CNTNAP2: variants seen among roughly 807,000 people sequenced by gnomAD.
CNTNAP2 encodes contactin associated protein 2.
CNTNAP2 carries 98 observed loss-of-function variants against 155.2 expected under a neutral mutation model. The ratio of observed to expected loss-of-function variants is 0.63; its 90% confidence interval spans 0.54 to 0.75. CNTNAP2 has a LOEUF of 0.75. Among genes scored for constraint, CNTNAP2 ranks in the 30% least tolerant of loss-of-function variants. CNTNAP2 has a pLI of 0.00. For synonymous variants in CNTNAP2, 651 were observed against 631.2 expected (o/e 1.03, Z -0.47); for missense variants, 1,727 against 1,688.1 (o/e 1.02, Z -0.40).
At chr7:146,906,224 G>T (rs1796122307) in intron 3 of CNTNAP2, among the ~76,000 whole-genome samples, 1 of 152,068 alleles carries the variant, frequency 6.6e-6, no homozygotes, top group Non-Finnish European at 1.5e-5. Context: ...GAGGCTGGGG[G>T]AGGGGCGCCC....
intron 13 of CNTNAP2, among the ~76,000 whole-genome samples, chr7:147,790,538 C>G (rs948725734): frequency 6.6e-6 from 1 of 152,240 alleles, no homozygotes; most frequent in African/African-American, 2.4e-5. Context: ...CTACGCTACT[C>G]TATCCCCAAA....
chr7:148,138,678 A>AT (rs1273521547), intron 16 of CNTNAP2, among the ~76,000 whole-genome samples: 1 of 152,068 alleles, frequency 6.6e-6, no homozygotes, highest in Non-Finnish European at 1.5e-5. Context: ...GTTTCCCTTT[A>AT]TTACAACACT....
intron 1 of CNTNAP2, among the ~76,000 whole-genome samples, chr7:146,598,777 C>G (rs1563150821): frequency 1.3e-5 from 2 of 151,780 alleles, no homozygotes; most frequent in Admixed American, 6.6e-5. Context: ...CATCATGGCT[C>G]TAAATATTAT....
intron 3 of CNTNAP2, among the ~76,000 whole-genome samples, chr7:146,885,873 A>G (rs1204506238): frequency 6.6e-6 from 1 of 151,668 alleles, no homozygotes; most frequent in Non-Finnish European, 1.5e-5. Flanking sequence ...TATTTTGCAC[A>G]GGATAGAACT....
At chr7:148,312,967 G>T (rs957532636) in intron 21 of CNTNAP2, among the ~76,000 whole-genome samples, 1 of 151,870 alleles carries the variant, frequency 6.6e-6, no homozygotes, top group Non-Finnish European at 1.5e-5. Context: ...GCAATGAGGT[G>T]TGGCTGTAGC....
At chr7:147,854,287 T>C (rs1385136171) in intron 13 of CNTNAP2, among the ~76,000 whole-genome samples, 1 of 152,170 alleles carries the variant, frequency 6.6e-6, no homozygotes, top group African/African-American at 2.4e-5. Context: ...AAATGATTAC[T>C]AGCTTCTTGA....
chr7:147,027,927 G>A (rs530841619), intron 3 of CNTNAP2, among the ~76,000 whole-genome samples: 2 of 152,270 alleles, frequency 1.3e-5, no homozygotes, highest in African/African-American at 2.4e-5. Context: ...TGATAAAAAG[G>A]CATTTTGTTA....
intron 13 of CNTNAP2, among the ~76,000 whole-genome samples, chr7:147,802,300 CCAGGCAGAGGG>C (rs1798012004): frequency 1.3e-5 from 2 of 148,916 alleles, no homozygotes; most frequent in African/African-American, 2.5e-5. Flanking sequence ...GACTGGGCAG[CCAGGCAGAGGG>C]GCTCCTCACA....
chr7:146,493,189 A>G (rs1797165145), intron 1 of CNTNAP2, among the ~76,000 whole-genome samples: 1 of 152,200 alleles, frequency 6.6e-6, no homozygotes, highest in African/African-American at 2.4e-5. Flanking sequence ...ATCCACAAGT[A>G]TTAAGTCAAA....
At chr7:146,852,072 A>G (rs1794890184) in intron 3 of CNTNAP2, among the ~76,000 whole-genome samples, 1 of 152,120 alleles carries the variant, frequency 6.6e-6, no homozygotes, top group South Asian at 2.1e-4. Flanking sequence ...CATATTAACT[A>G]TACATGTAAA....
intron 13 of CNTNAP2, among the ~76,000 whole-genome samples, chr7:147,901,535 A>G (rs1195924828): frequency 1.3e-5 from 2 of 152,224 alleles, no homozygotes. Context: ...ATTCTACTAC[A>G]TATGAATATA....
intron 10 of CNTNAP2, among the ~76,000 whole-genome samples, chr7:147,461,924 C>T (rs950174790): frequency 6.6e-6 from 1 of 152,108 alleles, no homozygotes; most frequent in Non-Finnish European, 1.5e-5. Context: ...AATATCTTTC[C>T]AATATTTAAT....
At chr7:146,938,133 T>G (rs1425619809) in intron 3 of CNTNAP2, among the ~76,000 whole-genome samples, 2 of 152,136 alleles carry the variant, frequency 1.3e-5, no homozygotes, top group Non-Finnish European at 2.9e-5. Context: ...GTAAGATGTC[T>G]GATCTCTAGT....
At chr7:146,626,390 C>A (rs572713624) in intron 1 of CNTNAP2, among the ~76,000 whole-genome samples, 1 of 151,976 alleles carries the variant, frequency 6.6e-6, no homozygotes, top group Non-Finnish European at 1.5e-5. Context: ...TTATGGGTAC[C>A]TATAAATAAA....
intron 1 of CNTNAP2, among the ~76,000 whole-genome samples, chr7:146,499,524 A>T (rs1468798248): frequency 6.6e-6 from 1 of 152,084 alleles, no homozygotes; most frequent in Admixed American, 6.5e-5. Flanking sequence ...CAACATTTTG[A>T]CTATTTTGTG....
intron 10 of CNTNAP2, among the ~76,000 whole-genome samples, chr7:147,465,041 T>G (rs1460173428): frequency 6.6e-6 from 1 of 152,138 alleles, no homozygotes; most frequent in Non-Finnish European, 1.5e-5. Context: ...TTATCCTAAG[T>G]GAATTCATGC....
At chr7:147,642,539 C>T (rs958599837) in intron 13 of CNTNAP2, among the ~76,000 whole-genome samples, 2 of 151,998 alleles carry the variant, frequency 1.3e-5, no homozygotes, top group African/African-American at 4.8e-5. Flanking sequence ...CTCTCCTTTA[C>T]AAAACATAAA....
chr7:146,948,818 G>A (rs560835476), intron 3 of CNTNAP2, among the ~76,000 whole-genome samples: 27 of 152,214 alleles, frequency 1.8e-4, no homozygotes, highest in African/African-American at 6.3e-4. Context: ...TACAACACAG[G>A]ACACAGATGT....
At chr7:148,269,819 A>G (rs952308770) in intron 21 of CNTNAP2, among the ~76,000 whole-genome samples, 2 of 152,170 alleles carry the variant, frequency 1.3e-5, no homozygotes, top group Non-Finnish European at 2.9e-5. Flanking sequence ...CCCGCTTTCT[A>G]CCAGAGGTAC....
Sources: allele counts gnomAD v4.1 joint callset (sites outside exome capture counted in the v4.1 genomes callset), GRCh38; gene constraint gnomAD v4.1.1; transcripts MANE v1.5; gene names NCBI Gene and HGNC (gene_info 2026-07-23, HGNC 2026-07-21).